Variants in RGS6 observed in about 807,000 individuals in gnomAD.
The protein encoded by RGS6 is regulator of G-protein signaling 6.
Under a neutral mutation model 78.5 loss-of-function variants are expected in RGS6, and 30 were observed. The observed-to-expected ratio is 0.38, with a 90% CI of 0.29 to 0.52. The LOEUF (loss-of-function observed/expected upper bound fraction) is 0.52. Among genes scored for constraint, RGS6 ranks in the 20% least tolerant of loss-of-function variants. The pLI, the probability that RGS6 is intolerant of heterozygous loss-of-function variation, is 0.85. For synonymous variants in RGS6, 206 were observed against 206.0 expected (o/e 1.00, Z 0.00); for missense variants, 495 against 609.7 (o/e 0.81, Z 1.98).
At chr14:72,103,199 A>T (rs1246690582) in intron 2 of RGS6, among the ~76,000 whole-genome samples, 1 of 152,180 alleles carries the variant, frequency 6.6e-6, no homozygotes, top group Non-Finnish European at 1.5e-5. Context: ...CGGCAATTCC[A>T]GTGCCTCCCT....
chr14:71,870,708 C>A, the RGS6 span, among the ~76,000 whole-genome samples: 4 of 152,188 alleles, frequency 2.6e-5, no homozygotes, highest in Admixed American at 2.0e-4. Context: ...GAGGCCCTGG[C>A]TCAGAACATC....
intron 15 of RGS6, among the ~76,000 whole-genome samples, chr14:72,529,567 CCT>C (rs1322124528): frequency 6.6e-6 from 1 of 152,140 alleles, no homozygotes. Context: ...GAGTGGACAA[CCT>C]CTCTCTGCTG....
the RGS6 span, among the ~76,000 whole-genome samples, chr14:71,894,037 A>G: frequency 2.6e-5 from 4 of 152,192 alleles, no homozygotes; most frequent in Admixed American, 6.5e-5. Flanking sequence ...CATGTGAGCC[A>G]GGTCCTGGAC....
intron 2 of RGS6, among the ~76,000 whole-genome samples, chr14:72,307,246 CA>C (rs1203729976): frequency 2.2e-4 from 5 of 22,768 alleles, no homozygotes; most frequent in Admixed American, 2.0e-3. Context: ...CAATCAACTA[CA>C]GTATAAACAT....
chr14:72,273,455 C>A (rs1304212457), intron 2 of RGS6, among the ~76,000 whole-genome samples: 14 of 152,112 alleles, frequency 9.2e-5, no homozygotes, highest in Admixed American at 6.5e-4. Flanking sequence ...ACAGCTAACA[C>A]AGCATAAGTG....
chr14:71,882,182 G>A, the RGS6 span, among the ~76,000 whole-genome samples: 7 of 152,176 alleles, frequency 4.6e-5, no homozygotes, highest in Admixed American at 4.6e-4. Flanking sequence ...ACTTATATGT[G>A]TGGAATCATG....
chr14:71,879,975 T>C, the RGS6 span, among the ~76,000 whole-genome samples: 1 of 152,196 alleles, frequency 6.6e-6, no homozygotes, highest in African/African-American at 2.4e-5. Context: ...TTGAATGGCT[T>C]TGGCCAAAAT....
chr14:72,614,777 G>GAAAAAA, the RGS6 span, among the ~76,000 whole-genome samples: 15 of 96,068 alleles, frequency 1.6e-4, no homozygotes, highest in East Asian at 6.1e-4. Flanking sequence ...ACAAGCCTCA[G>GAAAAAA]AAAAAAAAAA....
intron 2 of RGS6, among the ~76,000 whole-genome samples, chr14:72,082,110 A>G (rs1457286263): frequency 6.6e-6 from 1 of 152,030 alleles, no homozygotes; most frequent in African/African-American, 2.4e-5. Flanking sequence ...GAGCAGGAGA[A>G]GGAAATTCTA....
At position 72,566,234 on chromosome 14, in the gene RGS6, G is replaced by A. The variant is rs568646275; in HGVS notation, c.*3767G>A. On this transcript the variant is annotated 3_prime_UTR_variant, in exon 18 of 18. Transcript: ENST00000553525. ...TAGCAAATGTAGCAATAAAGGGCCC[G>A]GGTCTATACGGGGACAGGGTCCAAA... 6.6e-6 allele frequency: 1 copy of A among 152,254 alleles called. No homozygotes were observed. Among genetic ancestry groups the A allele is most frequent in the South Asian group, 2.1e-4 (1 of 4,820 alleles). The allele number at this position is 152,254 out of a possible 1,614,324, so 9.4% of individuals were successfully genotyped here.
the RGS6 span, among the ~76,000 whole-genome samples, chr14:71,893,874 C>G: frequency 6.6e-6 from 1 of 152,062 alleles, no homozygotes; most frequent in Non-Finnish European, 1.5e-5. Context: ...AGTTGTTTAT[C>G]AGAAAAGAAG....
At chr14:72,523,723 A>G (rs1039160934) in intron 15 of RGS6, among the ~76,000 whole-genome samples, 1 of 152,202 alleles carries the variant, frequency 6.6e-6, no homozygotes, top group Non-Finnish European at 1.5e-5. Context: ...CCAAGACCAA[A>G]TCTTCCATAA....
intron 2 of RGS6, among the ~76,000 whole-genome samples, chr14:72,081,900 T>C (rs1170892917): frequency 2.0e-5 from 3 of 152,064 alleles, no homozygotes; most frequent in Non-Finnish European, 4.4e-5. Flanking sequence ...GTACAGAAAA[T>C]AATGCGGAAA....
chr14:72,089,157 C>T lies in RGS6; in HGVS notation c.84+124282C>T, dbSNP rs185535846. Among the ~76,000 whole-genome samples the T allele has an allele frequency of 6.1e-4, 93 of 152,322 alleles. 1 individual carries two copies. Among genetic ancestry groups the T allele is most frequent in the Admixed American group, 3.9e-4 (6 of 15,302 alleles). On this transcript the variant is annotated intron_variant, in intron 2 of 17. Coordinates refer to ENST00000553525, the MANE Select transcript of RGS6 (RefSeq NM_001204424.2). ...ATCTTGACTGGTTCACCCTTCAATT[C>T]CTTGTGCCCACAACAGTGACTGGCA...
chr14:72,086,778 T>A (rs1406694978), intron 2 of RGS6, among the ~76,000 whole-genome samples: 1 of 152,212 alleles, frequency 6.6e-6, no homozygotes, highest in Non-Finnish European at 1.5e-5. Context: ...CCTTTGCAAG[T>A]AAGTGGCTGG....
chr14:72,449,153 A>G (rs1467783639), intron 3 of RGS6, among the ~76,000 whole-genome samples: 1 of 152,204 alleles, frequency 6.6e-6, no homozygotes, highest in Non-Finnish European at 1.5e-5. Flanking sequence ...ACCTTGACTG[A>G]AGAGTATGGT....
chr14:72,058,409 A>AT (rs2093725047), intron 2 of RGS6, among the ~76,000 whole-genome samples: 1 of 152,186 alleles, frequency 6.6e-6, no homozygotes, highest in Non-Finnish European at 1.5e-5. Flanking sequence ...ACAGAACTCT[A>AT]AAATCACATG....
Position 72,397,715 on chromosome 14 carries a change from A to T in RGS6, c.184+45521A>T, listed in dbSNP as rs139353708. 7.7e-3 allele frequency among the ~76,000 whole-genome samples: 1,168 copies of T among 152,282 alleles called. 40 individuals carry two copies. The highest frequency in any genetic ancestry group is 0.05 in the East Asian group (260 of 5,178). On this transcript the variant is annotated intron_variant, in intron 3 of 17. Transcript: ENST00000553525. ...CATACATAGCTCTTATTATTTTGAG[A>T]TACATCCCATCAATACCTAATTTAT...
At chr14:71,931,359 T>C (rs1594818540), upstream of RGS6, among the ~76,000 whole-genome samples, 1 of 152,260 alleles carries the variant, frequency 6.6e-6, no homozygotes, top group South Asian at 2.1e-4. Flanking sequence ...TCCTTTATTA[T>C]CCATTTCTAA....
Sources: gnomAD v4.1 joint callset for allele counts (sites outside exome capture counted in the v4.1 genomes callset) on GRCh38, gnomAD v4.1.1 for gene constraint, MANE v1.5 for transcripts, NCBI Gene and HGNC (gene_info 2026-07-23, HGNC 2026-07-21) for gene names.